The following MYO5B variants were observed in gnomAD, a reference collection of about 807,000 sequenced individuals.
The protein encoded by MYO5B is myosin VB.
Under a neutral mutation model 229.3 loss-of-function variants are expected in MYO5B, and 143 were observed. That is an observed-to-expected ratio of 0.62 (90% CI 0.54 to 0.72). The LOEUF is 0.72. MYO5B is among the 30% of genes least tolerant of loss of function. MYO5B has a pLI of 0.00. For synonymous variants in MYO5B, 918 were observed against 885.2 expected (o/e 1.04, Z -0.66); for missense variants, 2,321 against 2,331.0 (o/e 1.00, Z 0.09).
chr18:50,150,195 G>A (rs1436240121), intron 1 of MYO5B, among the ~76,000 whole-genome samples: 14 of 139,938 alleles, frequency 1.0e-4, no homozygotes, highest in African/African-American at 3.7e-4. Context: ...AGGTGCTGGA[G>A]AGGATGTGGA....
At chr18:49,861,272 C>T (rs1330769597) in intron 29 of MYO5B, among the ~76,000 whole-genome samples, 3 of 152,160 alleles carry the variant, frequency 2.0e-5, no homozygotes, top group African/African-American at 7.2e-5. Context: ...TAAAGGAAGA[C>T]AAATCCAGGG....
intron 39 of MYO5B, among the ~76,000 whole-genome samples, chr18:49,834,634 G>C (rs560134665): frequency 4.6e-5 from 7 of 152,268 alleles, no homozygotes; most frequent in Admixed American, 4.6e-4. Context: ...TTTCCTAAAA[G>C]CAAATATTGT....
intron 5 of MYO5B, among the ~76,000 whole-genome samples, chr18:49,994,284 C>T (rs1291147947): frequency 6.6e-6 from 1 of 152,152 alleles, no homozygotes; most frequent in Non-Finnish European, 1.5e-5. Context: ...TCTGTAGCAC[C>T]CAGTACATGG....
Position 49,915,594 on chromosome 18 carries a change from A to T in MYO5B, c.2091-3421T>A, listed in dbSNP as rs183923184. The stretch of plus-strand genomic sequence containing the variant: ...CTATTTCCTGTCCCTCTAGTAGTGG[A>T]AAGACTGTGAACCAAACCCATTGAG... On this transcript the variant is annotated intron_variant, in intron 17 of 39. Coordinates refer to ENST00000285039, the MANE Select transcript of MYO5B (RefSeq NM_001080467.3). 3.5e-4 allele frequency among the ~76,000 whole-genome samples: 53 copies of T among 152,380 alleles called. No homozygotes were observed. The East Asian group carries it at 8.5e-3, about 24-fold the overall frequency.
At chr18:50,192,066 C>T (rs1383443806) in intron 1 of MYO5B, among the ~76,000 whole-genome samples, 1 of 71,698 alleles carries the variant, frequency 1.4e-5, no homozygotes, top group South Asian at 4.4e-4. Flanking sequence ...CATCCACACC[C>T]ATTTGAGAGA....
intron 17 of MYO5B, among the ~76,000 whole-genome samples, chr18:49,924,470 C>T (rs1440258293): frequency 6.6e-6 from 1 of 152,216 alleles, no homozygotes; most frequent in Non-Finnish European, 1.5e-5. Flanking sequence ...CCAGGCCTGA[C>T]TCCAAAGTCC....
At chr18:50,037,442 C>T (rs181447612) in intron 3 of MYO5B, among the ~76,000 whole-genome samples, 6 of 152,230 alleles carry the variant, frequency 3.9e-5, no homozygotes, top group East Asian at 3.9e-4. Context: ...AAATAACATG[C>T]GGACAGAGAA....
At chr18:49,948,821 G>A (rs1270579766) in intron 14 of MYO5B, among the ~76,000 whole-genome samples, 1 of 152,146 alleles carries the variant, frequency 6.6e-6, no homozygotes, top group Non-Finnish European at 1.5e-5. Context: ...AGCTGTTCCT[G>A]CGACTCCTGT....
intron 21 of MYO5B, among the ~76,000 whole-genome samples, chr18:49,899,494 G>A (rs1257150491): frequency 6.6e-6 from 1 of 152,184 alleles, no homozygotes; most frequent in Non-Finnish European, 1.5e-5. Context: ...CCCTTGGACT[G>A]AGGAGTTCTC....
chr18:50,058,857 C>T (rs1447695188), intron 1 of MYO5B, among the ~76,000 whole-genome samples: 1 of 152,150 alleles, frequency 6.6e-6, no homozygotes, highest in Non-Finnish European at 1.5e-5. Context: ...TGATCCTTTA[C>T]AGGAAAGCAT....
In MYO5B at chr18:50,020,181, T is replaced by C. The variant is rs190476463; in HGVS notation, c.455+16669A>G. 6.6e-5 allele frequency among the ~76,000 whole-genome samples: 10 copies of C among 152,342 alleles called. No homozygotes were observed. The East Asian group carries it at 1.7e-3, about 26-fold the overall frequency. ...TCAGCTCACAGCATACATTGCAGGCTCAGGTTCATACTTTCTTCTCCAAGT... is the reference window on the plus strand; with the variant it reads ...TCAGCTCACAGCATACATTGCAGGCCCAGGTTCATACTTTCTTCTCCAAGT... On this transcript the variant is annotated intron_variant, in intron 4 of 39. Coordinates refer to ENST00000285039, the MANE Select transcript of MYO5B (RefSeq NM_001080467.3).
chr18:49,828,056 A>G (rs758358717), intron 39 of MYO5B, among the ~76,000 whole-genome samples: 1 of 152,182 alleles, frequency 6.6e-6, no homozygotes, highest in Non-Finnish European at 1.5e-5. Context: ...CTATAGATAG[A>G]AAAAGTTGTC....
intron 4 of MYO5B, among the ~76,000 whole-genome samples, chr18:50,035,762 T>A (rs1320158961): frequency 6.6e-6 from 1 of 152,244 alleles, no homozygotes; most frequent in Admixed American, 6.5e-5. Flanking sequence ...CTCCACTCTT[T>A]GGAGAAATAA....
chr18:49,867,282 G>A (rs495543), intron 27 of MYO5B, among the ~76,000 whole-genome samples: 65,241 of 151,898 alleles, frequency 0.43, 14,610 homozygotes, highest in Middle Eastern at 0.57. Context: ...GGAAGTGAGT[G>A]GGAAGAAAGT....
chr18:50,109,831 C>G (rs1167061234), intron 1 of MYO5B, among the ~76,000 whole-genome samples: 1 of 152,160 alleles, frequency 6.6e-6, no homozygotes, highest in Admixed American at 6.5e-5. Context: ...ATCCACCGCC[C>G]TCCATACTAC....
At chr18:49,940,625 C>T (rs2025303510) in intron 14 of MYO5B, among the ~76,000 whole-genome samples, 1 of 152,156 alleles carries the variant, frequency 6.6e-6, no homozygotes, top group Non-Finnish European at 1.5e-5. Context: ...TCAGTGAACC[C>T]CCCTCAGTCT....
chr18:50,139,369 G>T (rs2032383494), intron 1 of MYO5B, among the ~76,000 whole-genome samples: 1 of 152,210 alleles, frequency 6.6e-6, no homozygotes, highest in Non-Finnish European at 1.5e-5. Context: ...TGTCCCAGAG[G>T]TTCCTCAAAC....
At chr18:49,834,915 GGAGT>G (rs2023969368) in intron 39 of MYO5B, among the ~76,000 whole-genome samples, 1 of 152,218 alleles carries the variant, frequency 6.6e-6, no homozygotes, top group East Asian at 1.9e-4. Context: ...TGGGATTACA[GGAGT>G]GAGCCACCGC....
At chr18:49,900,179 T>C (rs984552095) in intron 21 of MYO5B, among the ~76,000 whole-genome samples, 1 of 152,246 alleles carries the variant, frequency 6.6e-6, no homozygotes, top group Non-Finnish European at 1.5e-5. Flanking sequence ...TCACAACATT[T>C]GACTAAGCAA....
Sources: gnomAD v4.1 joint callset for allele counts (sites outside exome capture counted in the v4.1 genomes callset) on GRCh38, gnomAD v4.1.1 for gene constraint, MANE v1.5 for transcripts, NCBI Gene and HGNC (gene_info 2026-07-23, HGNC 2026-07-21) for gene names.